Variants in ADSS1 observed in about 807,000 individuals in gnomAD.
ADSS1 encodes adenylosuccinate synthetase isozyme 1.
A neutral mutation model predicts 59.1 loss-of-function variants in ADSS1; 57 were observed. The observed-to-expected ratio is 0.97, with a 90% CI of 0.78 to 1.20. The LOEUF (loss-of-function observed/expected upper bound fraction) is 1.20, where lower values mean the gene tolerates loss of function less well. ADSS1 is among the 50% of genes most tolerant of loss of function. The probability of loss-of-function intolerance (pLI) is 0.00; values close to 1 mark genes in which losing one functional copy is unlikely to be tolerated. For synonymous variants in ADSS1, 247 were observed against 249.4 expected, an observed-to-expected ratio of 0.99 and a Z score of 0.09; for missense variants, 603 against 610.3, an observed-to-expected ratio of 0.99 and a Z score of 0.13.
chr14:104,724,557 A>G, intron 1 of ADSS1, 95 bp downstream of exon 1: 1 of 1,195,446 alleles, frequency 8.4e-7, no homozygotes, highest in South Asian at 4.3e-5. Flanking sequence ...CTGGCCGGTC[A>G]CTCACCCGCT....
In ADSS1 at chr14:104,740,463, A is replaced by G. The variant is rs947184035; in HGVS notation, c.477-138A>G. The G allele has an allele frequency of 2.7e-6, 2 of 741,198 alleles. No homozygotes were observed. The highest frequency in any genetic ancestry group is 4.6e-6 in the Non-Finnish European group (2 of 436,022). The allele number at this position is 741,198 out of a possible 1,614,324, so 45.9% of individuals were successfully genotyped here. ...CTAGTGCGTACACCCACACACGCAC[A>G]CACTCACAGCTCAGCCAGACACAGG... On this transcript the variant is annotated intron_variant, in intron 5 of 12. Transcript: ENST00000330877. The surrounding 1 kb of genome is among the most constrained non-coding windows in gnomAD (Gnocchi z 4.8).
intron 4 of ADSS1, 161 bp from the exon 5 acceptor site, chr14:104,739,589 A>G: frequency 1.1e-6 from 1 of 915,302 alleles, no homozygotes; most frequent in East Asian, 2.6e-5. Flanking sequence ...GGGGAGACTG[A>G]GCCCCAGACA....
Position 104,726,115 on chromosome 14 carries a change from TATAGCCTGAGG to T in ADSS1, c.192+1654_192+1664del, listed in dbSNP as rs1890712463. Among the ~76,000 whole-genome samples, 4 of 152,228 alleles carry T rather than the reference TATAGCCTGAGG, an allele frequency of 2.6e-5. No homozygotes were observed. In the South Asian group the frequency reaches 8.3e-4, roughly 32 times the overall value. ...CCAGGCCACCCCCACCAGGCCACCCTATAGCCTGAGGGAGCCCCTGGCTCTCCAAGTGAGTG... is the reference window on the plus strand; with the variant it reads ...CCAGGCCACCCCCACCAGGCCACCCTGAGCCCCTGGCTCTCCAAGTGAGTG... On this transcript the variant is annotated intron_variant, in intron 1 of 12. Transcript: ENST00000330877.
intron 2 of ADSS1, among the ~76,000 whole-genome samples, chr14:104,735,980 C>T (rs1453247034): frequency 1.3e-5 from 2 of 152,224 alleles, no homozygotes; most frequent in East Asian, 1.9e-4. Flanking sequence ...CTTCCCAGCC[C>T]GTCAGGAAGT....
Position 104,742,397 on chromosome 14 carries a change from G to T in ADSS1, c.948+395G>T, listed in dbSNP as rs190480036. Among the ~76,000 whole-genome samples, 444 of 152,370 alleles carry T rather than the reference G, an allele frequency of 2.9e-3. 2 individuals are homozygous for T. Among genetic ancestry groups the T allele is most frequent in the Non-Finnish European group, 5.1e-3 (347 of 68,036 alleles). ...CATCTTCCCTCAGCCTTGTCCCCAG[G>T]TTGGGGGGTCCTCTGTCACAACCAA... On this transcript the variant is annotated intron_variant, in intron 9 of 12. Transcript: ENST00000330877.
rs774402741 is a variant in ADSS1, at chr14:104,739,308, T to C, written c.359-20T>C. The C allele has an allele frequency of 6.2e-7, 1 of 1,604,686 alleles. No homozygotes were observed. Among genetic ancestry groups the C allele is most frequent in the Admixed American group, 1.7e-5 (1 of 58,730 alleles). On this transcript the variant is annotated intron_variant, in intron 3 of 12. Transcript: ENST00000330877. ...GCGCACCTGTGAACACTGACCCACC[T>C]GTGTGCCGTGTCCCCGCAGGCCTGA...
Position 104,747,049 on chromosome 14 carries a change from T to C in ADSS1, c.*46T>C. The C allele has an allele frequency of 6.4e-7, 1 of 1,561,882 alleles. No homozygotes were observed. The highest frequency in any genetic ancestry group is 1.7e-5 in the Admixed American group (1 of 58,568). ...AACAGGCCCTGGCAGCGTCTGGACT[T>C]GTGTAAACAGCAGCAGTCACGTTCC... On this transcript the variant is annotated 3_prime_UTR_variant, in exon 13 of 13. Transcript: ENST00000330877.
intron 11 of ADSS1, chr14:104,745,142 T>C: frequency 2.0e-6 from 1 of 494,706 alleles, no homozygotes; most frequent in South Asian, 2.2e-5. Flanking sequence ...CCTTCCAGTG[T>C]TTTGGGAATG....
intron 8 of ADSS1, 34 bp downstream of exon 8, chr14:104,741,277 T>C (rs371546263): frequency 1.5e-5 from 23 of 1,523,778 alleles, no homozygotes; most frequent in East Asian, 9.2e-5. Flanking sequence ...CCAACGACCT[T>C]TCGTGCCTGC....
At chr14:104,742,167 T>C (rs996533289) in intron 9 of ADSS1, among the ~76,000 whole-genome samples, 165 bp downstream of exon 9, 4 of 152,220 alleles carry the variant, frequency 2.6e-5, no homozygotes, top group African/African-American at 9.6e-5. Flanking sequence ...GGGGAGAGCT[T>C]AGTAAGAGGC....
chr14:104,739,924 C>G (rs2140804833), intron 5 of ADSS1, 108 bp downstream of exon 5: 1 of 1,187,796 alleles, frequency 8.4e-7, no homozygotes, highest in South Asian at 1.3e-5. Context: ...TACCTCAACC[C>G]ACTCAAAGCC....
At chr14:104,746,603 C>T (rs1340530261) in intron 12 of ADSS1, among the ~76,000 whole-genome samples, 1 of 152,206 alleles carries the variant, frequency 6.6e-6, no homozygotes, top group Non-Finnish European at 1.5e-5. Flanking sequence ...CTCTCCGCAT[C>T]CAGAACAACA....
rs747586638 is a variant in ADSS1, at chr14:104,746,986, A to G, written c.1357A>G (p.Met453Val). 2 of 1,614,070 alleles carry G rather than the reference A, an allele frequency of 1.2e-6. No individual in the cohort carries two copies. Among genetic ancestry groups the G allele is most frequent in the Non-Finnish European group, 1.7e-6 (2 of 1,179,922 alleles). The change falls in exon 13 of 13, where the codon ATG (methionine) becomes GTG (valine). Residue 453 changes from methionine (M) to valine (V), a missense_variant. Coordinates refer to ENST00000330877, the MANE Select transcript of ADSS1 (RefSeq NM_152328.5). ...WVGVGKSRES[M>V]IQLF ...TGGTGTTGGCAAGTCAAGAGAGTCG[A>G]TGATCCAGCTGTTTTAGTCACAGAC...
In ADSS1 at chr14:104,740,877, C is replaced by CCA; in HGVS notation, c.625_626dup (p.Leu210ProfsTer4). 6.2e-7 allele frequency: 1 copy of CCA among 1,613,934 alleles called. No homozygotes were observed. Among genetic ancestry groups the CCA allele is most frequent in the South Asian group, 1.1e-5 (1 of 91,066 alleles). On this transcript the variant is annotated frameshift_variant, in exon 7 of 13. Transcript: ENST00000330877. LOFTEE classifies it high-confidence loss of function. The surrounding 1 kb of genome is among the most constrained non-coding windows in gnomAD (Gnocchi z 4.8). ...GCCCACCAGCACCAGTCGATGTTCC[C>CCA]CACCCTGGAAATAGACATTGAAGGC...
chr14:104,742,948 G>A lies in ADSS1; in HGVS notation c.949-119G>A, dbSNP rs1367134140. On this transcript the variant is annotated intron_variant, in intron 9 of 12. Transcript: ENST00000330877. ...GAGCTGGATGTAAGGACTGTCGGTG[G>A]AGGCGGGGCACCCTCAGGGATTCTG... is the stretch of plus-strand genomic sequence containing the variant. 5 of 1,454,526 alleles carry A rather than the reference G, an allele frequency of 3.4e-6. No individual in the cohort carries two copies. In the East Asian group the frequency reaches 9.2e-5, roughly 27 times the overall value. 90.1% of individuals were successfully genotyped at this position (1,454,526 alleles called of 1,614,324 possible). A position where few individuals can be genotyped will look rare whatever the true frequency, so the allele number is the denominator to read the frequency against.
chr14:104,724,617 C>T (rs893068161), intron 1 of ADSS1, among the ~76,000 whole-genome samples, 155 bp downstream of exon 1: 9 of 151,964 alleles, frequency 5.9e-5, no homozygotes, highest in African/African-American at 2.2e-4. Context: ...CCCACCCACG[C>T]ACGCACACGC....
Position 104,746,357 on chromosome 14 carries a change from C to T in ADSS1, c.1293C>T (p.Arg431=). The T allele has an allele frequency of 1.9e-6, 3 of 1,613,270 alleles. No homozygotes were observed. The highest frequency in any genetic ancestry group is 8.5e-7 in the Non-Finnish European group (1 of 1,179,616). Residue 431 remains arginine, a synonymous_variant, in exon 12 of 13, where the codon CGC becomes CGT. Coordinates refer to ENST00000330877, the MANE Select transcript of ADSS1 (RefSeq NM_152328.5). ...DLPPQAQNYI[R]FVENHVGVAV... ...CCCCACAGGCCCAGAACTACATCCG[C>T]TTTGTGGAGAATCACGTGGGAGTCG...
intron 1 of ADSS1, among the ~76,000 whole-genome samples, chr14:104,731,489 G>A (rs1871821253): frequency 6.6e-6 from 1 of 152,158 alleles, no homozygotes; most frequent in Non-Finnish European, 1.5e-5. Flanking sequence ...GGCAGCAGTG[G>A]GCATCTTAGG....
In ADSS1 at chr14:104,742,016, C is replaced by A. The variant is rs767445041; in HGVS notation, c.948+14C>A. 6.2e-7 allele frequency: 1 copy of A among 1,611,586 alleles called. No homozygotes were observed. Among genetic ancestry groups the A allele is most frequent in the East Asian group, 2.2e-5 (1 of 44,858 alleles). On this transcript the variant is annotated intron_variant, in intron 9 of 12. Coordinates refer to ENST00000330877, the MANE Select transcript of ADSS1 (RefSeq NM_152328.5). Reference sequence around the variant, plus strand: ...GAGCAGATCAACGTGAGTCCCCAGCCCCTCGGGACCCCGTGGGAGGACAGG... The same window carrying A: ...GAGCAGATCAACGTGAGTCCCCAGCACCTCGGGACCCCGTGGGAGGACAGG...
Sources: allele counts gnomAD v4.1 joint callset (sites outside exome capture counted in the v4.1 genomes callset), GRCh38; gene constraint gnomAD v4.1.1; non-coding constraint Gnocchi (gnomAD v3.1); transcripts MANE v1.5; gene names NCBI Gene and HGNC (gene_info 2026-07-23, HGNC 2026-07-21).